The following ELF1 variants were observed in gnomAD, a reference collection of about 807,000 sequenced individuals.
ELF1 encodes ETS-related transcription factor Elf-1.
Under a neutral mutation model 59.9 loss-of-function variants are expected in ELF1, and 24 were observed. The observed-to-expected ratio is 0.40, with a 90% confidence interval of 0.29 to 0.56. The LOEUF (loss-of-function observed/expected upper bound fraction) is 0.56. Ranked by LOEUF, ELF1 falls within the 20% of genes least tolerant of loss-of-function variation. The pLI is 0.44. For synonymous variants in ELF1, 248 were observed against 266.2 expected, an observed-to-expected ratio of 0.93 and a Z score of 0.67; for missense variants, 627 against 742.2, an observed-to-expected ratio of 0.84 and a Z score of 1.80.
chr13:40,992,822 A>G (rs1375253911), intron 1 of ELF1: 5 of 504,402 alleles, frequency 9.9e-6, no homozygotes, highest in Non-Finnish European at 1.1e-5. Context: ...TTAGGAGCCA[A>G]CAAATTTCTG....
At chr13:40,941,705 T>G (rs921573831) in intron 7 of ELF1, among the ~76,000 whole-genome samples, 1 of 152,226 alleles carries the variant, frequency 6.6e-6, no homozygotes, top group Non-Finnish European at 1.5e-5. Context: ...TTGCCCAGGC[T>G]GGAGTGCAGT....
intron 1 of ELF1, among the ~76,000 whole-genome samples, chr13:41,006,905 A>G (rs138812099): frequency 0.011 from 1,663 of 152,288 alleles, 35 homozygotes; most frequent in African/African-American, 0.037. Context: ...CTTTATGTAC[A>G]TAGCATGCTG....
intron 3 of ELF1, among the ~76,000 whole-genome samples, chr13:40,955,434 C>CCCCGCCTGGCCAGCCA (rs1871230162): frequency 7.2e-6 from 1 of 138,870 alleles, no homozygotes; most frequent in Non-Finnish European, 1.6e-5. Flanking sequence ...GGGGTCAGCC[C>CCCCGCCTGGCCAGCCA]CCCGCCCGGC....
At chr13:40,997,143 T>C (rs2138322416) in intron 1 of ELF1, among the ~76,000 whole-genome samples, 1 of 152,344 alleles carries the variant, frequency 6.6e-6, no homozygotes, top group East Asian at 1.9e-4. Context: ...CCAACACATT[T>C]GAAAGACTTT....
At chr13:41,061,099 C>A in exon 1 of ELF1, 1 of 185,204 alleles carries the variant, frequency 5.4e-6, no homozygotes, top group South Asian at 9.0e-5. Context: ...AGTTTCACCT[C>A]TTTTTTTTTT....
chr13:41,014,362 G>C (rs1875239602), intron 1 of ELF1, among the ~76,000 whole-genome samples: 1 of 152,054 alleles, frequency 6.6e-6, no homozygotes, highest in Non-Finnish European at 1.5e-5. Context: ...GGAAGAGAAG[G>C]AATCAAAACA....
intron 2 of ELF1, among the ~76,000 whole-genome samples, chr13:40,962,009 A>C (rs2138205173): frequency 6.6e-6 from 1 of 152,316 alleles, no homozygotes; most frequent in African/African-American, 2.4e-5. Flanking sequence ...CAAATTTTTG[A>C]GTCTATACAG....
rs149275057 is a variant in ELF1 at position 40,941,701 on chromosome 13, A to T, written c.807-331T>A. 1.7e-3 allele frequency among the ~76,000 whole-genome samples: 260 copies of T among 152,322 alleles called. 2 individuals carry two copies. Among genetic ancestry groups the T allele is most frequent in the African/African-American group, 6.0e-3 (248 of 41,570 alleles). On this transcript the variant is annotated intron_variant, in intron 7 of 8. Transcript: ENST00000239882. ...GAGACAGAGTCTTGCTCTGTTGCCC[A>T]GGCTGGAGTGCAGTGGCATGATCAC...
At chr13:40,954,342 G>T (rs190081565) in intron 3 of ELF1, among the ~76,000 whole-genome samples, 1 of 152,122 alleles carries the variant, frequency 6.6e-6, no homozygotes, top group Non-Finnish European at 1.5e-5. Context: ...TGACCGGATC[G>T]TGGAGATGGA....
intron 1 of ELF1, among the ~76,000 whole-genome samples, chr13:40,986,580 T>A (rs950129663): frequency 5.9e-5 from 9 of 152,206 alleles, no homozygotes; most frequent in Non-Finnish European, 1.0e-4. Context: ...TCAACAAAAC[T>A]GTAATTCTAT....
chr13:40,969,396 A>G (rs1295573284), intron 2 of ELF1, among the ~76,000 whole-genome samples: 1 of 152,182 alleles, frequency 6.6e-6, no homozygotes, highest in Non-Finnish European at 1.5e-5. Context: ...TCTGGGTAAC[A>G]TGCATTCCTT....
At chr13:41,019,892 A>C (rs897832012), upstream of ELF1, among the ~76,000 whole-genome samples, 3 of 152,352 alleles carry the variant, frequency 2.0e-5, no homozygotes, top group South Asian at 2.1e-4. Flanking sequence ...GTGTGAATTA[A>C]ACTGGTTTAC....
At chr13:41,049,770 A>G (rs1235607645) in intron 1 of ELF1, among the ~76,000 whole-genome samples, 1 of 152,126 alleles carries the variant, frequency 6.6e-6, no homozygotes, top group Admixed American at 6.5e-5. Context: ...TCCCTACACT[A>G]TGTTAGGGGT....
chr13:40,979,731 G>A lies in ELF1; in HGVS notation c.72+2252C>T, dbSNP rs115679107. Among the ~76,000 whole-genome samples, 300 of 152,230 alleles carry A rather than the reference G, an allele frequency of 2.0e-3. 2 individuals carry two copies. The highest frequency in any genetic ancestry group is 7.0e-3 in the African/African-American group (289 of 41,540). On this transcript the variant is annotated intron_variant, in intron 2 of 8. Transcript: ENST00000239882. ...CATTTGTGTCTTAAAAGCAACCTCT[G>A]TATGCAGTTTTGTATATATGTATGT... is the stretch of plus-strand genomic sequence containing the variant.
chr13:40,955,740 C>T (rs1304465449), intron 3 of ELF1, among the ~76,000 whole-genome samples: 49 of 129,478 alleles, frequency 3.8e-4, no homozygotes, highest in African/African-American at 1.3e-3. Flanking sequence ...GTCAGCCCCC[C>T]GCCCGGCCAG....
At chr13:40,943,324 T>C (rs1442186190) in intron 6 of ELF1, among the ~76,000 whole-genome samples, 180 bp from the exon 7 acceptor site, 2 of 152,234 alleles carry the variant, frequency 1.3e-5, no homozygotes, top group South Asian at 2.1e-4. Context: ...ATTTTTAGCA[T>C]CTAATAAAGA....
chr13:41,037,563 G>A (rs1160595119), intron 1 of ELF1, among the ~76,000 whole-genome samples: 2 of 152,070 alleles, frequency 1.3e-5, no homozygotes, highest in Non-Finnish European at 2.9e-5. Context: ...TTGGGAGACC[G>A]AGGCGGATGG....
chr13:41,058,601 T>C (rs573000623), intron 1 of ELF1, among the ~76,000 whole-genome samples: 5 of 152,348 alleles, frequency 3.3e-5, no homozygotes, highest in East Asian at 3.9e-4. Flanking sequence ...GTACAACTAT[T>C]TGCAATTACT....
upstream of ELF1, among the ~76,000 whole-genome samples, chr13:41,022,652 A>C (rs1480735059): frequency 2.0e-5 from 3 of 152,198 alleles, no homozygotes; most frequent in East Asian, 5.8e-4. Flanking sequence ...AGGCCAAGGC[A>C]GGTGGATCAC....
Sources: allele counts gnomAD v4.1 joint callset (sites outside exome capture counted in the v4.1 genomes callset), GRCh38; gene constraint gnomAD v4.1.1; transcripts MANE v1.5; gene names NCBI Gene and HGNC (gene_info 2026-07-23, HGNC 2026-07-21).